The following NPRL3 variants were observed in gnomAD, a reference collection of about 807,000 sequenced individuals.
NPRL3 encodes GATOR1 complex protein NPRL3.
Under a neutral mutation model 57.2 loss-of-function variants are expected in NPRL3, and 23 were observed. The observed-to-expected ratio is 0.40, with a 90% CI of 0.29 to 0.57. The LOEUF (loss-of-function observed/expected upper bound fraction) is 0.57. Among genes scored for constraint, NPRL3 ranks in the 20% least tolerant of loss-of-function variants. The pLI is 0.42. For missense variants in NPRL3, 691 were observed against 767.1 expected (o/e 0.90, Z 1.17); for synonymous variants, 333 against 321.1 (o/e 1.04, Z -0.39).
intron 9 of NPRL3, among the ~76,000 whole-genome samples, chr16:94,204 T>C (rs1444923810): frequency 6.6e-6 from 1 of 151,384 alleles, no homozygotes; most frequent in East Asian, 1.9e-4. Context: ...TTGTGGACCC[T>C]TGAACATCAG....
intron 9 of NPRL3, among the ~76,000 whole-genome samples, chr16:96,201 C>T (rs1898997742): frequency 6.6e-6 from 1 of 152,136 alleles, no homozygotes; most frequent in Non-Finnish European, 1.5e-5. Flanking sequence ...TGCCAGACAA[C>T]CTCAGAAGAG....
At chr16:109,899 TA>T (rs1899714340) in intron 7 of NPRL3, among the ~76,000 whole-genome samples, 1 of 152,214 alleles carries the variant, frequency 6.6e-6, no homozygotes, top group Admixed American at 6.5e-5. Flanking sequence ...TATTGGGAAA[TA>T]TAAGTCCTTA....
At position 89,809 on chromosome 16, in the gene NPRL3, C is replaced by T; in HGVS notation, c.1255G>A (p.Glu419Lys). 6.3e-7 allele frequency: 1 copy of T among 1,595,318 alleles called. No individual in the cohort carries two copies. The highest frequency in any genetic ancestry group is 1.1e-5 in the South Asian group (1 of 87,932). ...TCGTCCTCTCGCGGACGGGGCTCCT[C>T]CTCGCTGGGTGAGGCCATCAGGCAG... is the stretch of plus-strand genomic sequence containing the variant. ...YVCLMASPSEEEPRPREDDVP... is the reference protein window; with the variant it reads ...YVCLMASPSEKEPRPREDDVP... The change falls in exon 12 of 14, where the codon GAG becomes AAG. Residue 419 changes from glutamate to lysine, a missense_variant. Glu to Lys is a moderately conservative substitution (Grantham distance 56). Coordinates refer to ENST00000611875, the MANE Select transcript of NPRL3 (RefSeq NM_001077350.3).
At chr16:95,732 G>A (rs988164957) in intron 9 of NPRL3, among the ~76,000 whole-genome samples, 3 of 152,254 alleles carry the variant, frequency 2.0e-5, no homozygotes, top group Admixed American at 6.5e-5. Flanking sequence ...ACCATGCCCA[G>A]CTAATTATTT....
intron 2 of NPRL3, among the ~76,000 whole-genome samples, chr16:134,435 A>G (rs1292042903): frequency 1.3e-5 from 2 of 152,186 alleles, no homozygotes; most frequent in Admixed American, 6.5e-5. Flanking sequence ...AAAAGCTAAT[A>G]AGGGAGAAAA....
In NPRL3 at chr16:116,696, C is replaced by T. The variant is rs1596526027; in HGVS notation, c.393+605G>A. Among the ~76,000 whole-genome samples the T allele has an allele frequency of 2.0e-5, 3 of 151,932 alleles. No homozygotes were observed. In the East Asian group the frequency reaches 5.8e-4, roughly 29 times the overall value. ...AATTAGCAGGGGCAGGGCACAGTGGCTCACGCCTGTAATCCCAGCAGTCTG... is the reference window on the plus strand; with the variant it reads ...AATTAGCAGGGGCAGGGCACAGTGGTTCACGCCTGTAATCCCAGCAGTCTG... On this transcript the variant is annotated intron_variant, in intron 5 of 13. Transcript: ENST00000611875.
intron 3 of NPRL3, among the ~76,000 whole-genome samples, chr16:127,986 A>ATCT (rs202041049): frequency 0.11 from 11,366 of 107,116 alleles, 1,665 homozygotes; most frequent in African/African-American, 0.36. Flanking sequence ...GTTAATTTCC[A>ATCT]TCTTCTTCTT....
chr16:127,047 T>C (rs1900551081), intron 3 of NPRL3: 1 of 152,160 alleles, frequency 6.6e-6, no homozygotes, highest in African/African-American at 2.4e-5. Flanking sequence ...ATTTTTTGTA[T>C]TTTTGGTAGA....
chr16:120,664 C>A (rs934435849), intron 3 of NPRL3, among the ~76,000 whole-genome samples: 2 of 152,146 alleles, frequency 1.3e-5, no homozygotes, highest in Non-Finnish European at 2.9e-5. Flanking sequence ...TCAACCCAGT[C>A]AGGTTGCAGT....
intron 5 of NPRL3, among the ~76,000 whole-genome samples, chr16:116,142 C>T (rs1168056062): frequency 1.3e-5 from 2 of 150,352 alleles, no homozygotes; most frequent in Non-Finnish European, 3.0e-5. Context: ...AAACACTATT[C>T]CCCGAGGTGA....
Position 89,735 on chromosome 16 carries a change from G to T in NPRL3, c.1329C>A (p.Asn443Lys). Residue 443 changes from asparagine (N) to lysine (K), a missense_variant, in exon 12 of 14, where the codon AAC becomes AAA. Asn to Lys is a moderately conservative substitution (Grantham distance 94, BLOSUM62 0). Coordinates refer to ENST00000611875, the MANE Select transcript of NPRL3 (RefSeq NM_001077350.3). ...RVGGRSLSTPNALSFGSPTSS... is the reference protein window; with the variant it reads ...RVGGRSLSTPKALSFGSPTSS... ...TACTTGGGGAGCCAAAGCTGAGGGCGTTGGGCGTGCTGAGGCTGCGACCGC... is the reference window on the plus strand; with the variant it reads ...TACTTGGGGAGCCAAAGCTGAGGGCTTTGGGCGTGCTGAGGCTGCGACCGC... The T allele has an allele frequency of 6.3e-7, 1 of 1,590,414 alleles. No homozygotes were observed. The highest frequency in any genetic ancestry group is 8.5e-7 in the Non-Finnish European group (1 of 1,171,934).
At chr16:125,372 C>T (rs1900471735) in intron 3 of NPRL3, among the ~76,000 whole-genome samples, 1 of 152,188 alleles carries the variant, frequency 6.6e-6, no homozygotes, top group African/African-American at 2.4e-5. Context: ...TACAACTAGA[C>T]AAGTCACAAT....
At chr16:136,929 C>T (rs540717507) in intron 2 of NPRL3, among the ~76,000 whole-genome samples, 47 of 150,906 alleles carry the variant, frequency 3.1e-4, no homozygotes, top group Non-Finnish European at 6.1e-4. Flanking sequence ...CTGAACAGTC[C>T]GGGTGCGGTG....
intron 3 of NPRL3, chr16:124,808 G>A (rs1283409818): frequency 1.3e-5 from 2 of 152,202 alleles, no homozygotes; most frequent in East Asian, 1.9e-4. Flanking sequence ...TAGGCACGAT[G>A]GCTCACGCCT....
At chr16:138,011 C>T in intron 2 of NPRL3, 139 bp downstream of exon 2, 8 of 617,232 alleles carry the variant, frequency 1.3e-5, no homozygotes, top group African/African-American at 3.8e-5. Context: ...TTTCCTTTTT[C>T]TACTTTTCAA....
rs1237870082 is a variant in NPRL3, at chr16:100,427, C to T, written c.712G>A (p.Ala238Thr). The T allele has an allele frequency of 4.4e-6, 7 of 1,605,620 alleles. No individual in the cohort carries two copies. The East Asian group carries it at 1.6e-4, about 36-fold the overall frequency. ...SFCLPHKIHYAASSLIPPEAI... is the reference protein window; with the variant it reads ...SFCLPHKIHYTASSLIPPEAI... ...TCTGGGGGGATCAGACTGGAGGCCG[C>T]ATAGTGGATCTTGTGGGGCAGGCAG... The change falls in exon 8 of 14, where the codon GCG becomes ACG. Residue 238 changes from alanine (A) to threonine (T), a missense_variant. By Grantham distance (58) the Ala-to-Thr change is moderately conservative. Transcript: ENST00000611875.
intron 2 of NPRL3, among the ~76,000 whole-genome samples, chr16:134,828 A>C (rs1469810195): frequency 1.3e-5 from 2 of 149,400 alleles, no homozygotes; most frequent in South Asian, 2.1e-4. Flanking sequence ...CAGCCTCCCG[A>C]GTAGCTGGGA....
intron 4 of NPRL3, 60 bp from the exon 5 acceptor site, chr16:117,435 G>C (rs1900092081): frequency 8.1e-7 from 1 of 1,231,660 alleles, no homozygotes. Context: ...GCTGTTTAGA[G>C]CTATTCTACT....
chr16:110,441 A>T, intron 7 of NPRL3, 84 bp downstream of exon 7: 1 of 1,048,010 alleles, frequency 9.5e-7, no homozygotes, highest in East Asian at 2.6e-5. Flanking sequence ...AGTACCGGGG[A>T]GCCCTACCTG....
Sources: allele counts gnomAD v4.1 joint callset (sites outside exome capture counted in the v4.1 genomes callset), GRCh38; gene constraint gnomAD v4.1.1; transcripts MANE v1.5; gene names NCBI Gene and HGNC (gene_info 2026-07-23, HGNC 2026-07-21).